RAPGEF3: variants seen among roughly 807,000 people sequenced by gnomAD.
The protein encoded by RAPGEF3 is 9330170P05Rik.
In RAPGEF3, 103 loss-of-function variants were observed where a neutral mutation model predicts 129.8. The observed-to-expected ratio is 0.79, with a 90% CI of 0.68 to 0.93. The LOEUF is 0.93. RAPGEF3 is among the 40% of genes least tolerant of loss of function. The probability of loss-of-function intolerance (pLI) is 0.00; values close to 1 mark genes in which losing one functional copy is unlikely to be tolerated. For synonymous variants in RAPGEF3, 436 were observed against 482.6 expected (o/e 0.90, Z 1.26); for missense variants, 1,117 against 1,207.4 (o/e 0.93, Z 1.11).
In RAPGEF3 at chr12:47,758,573, G is replaced by C. The variant is rs1390005259; in HGVS notation, c.-17C>G. Reference sequence around the variant, plus strand: ...CACCTTCATGTTTCTTTTCAAGCTCGCACAGCCGTGCAGGCTCTAGCAAAA... The same window carrying C: ...CACCTTCATGTTTCTTTTCAAGCTCCCACAGCCGTGCAGGCTCTAGCAAAA... On this transcript the variant is annotated 5_prime_UTR_variant, in exon 1 of 28. Transcript: ENST00000449771. 2.5e-6 allele frequency: 4 copies of C among 1,613,564 alleles called. No individual in the cohort carries two copies. The African/African-American group carries it at 5.3e-5, about 22-fold the overall frequency.
chr12:47,758,294 A>G (rs1942224043), intron 1 of RAPGEF3: 5 of 1,430,912 alleles, frequency 3.5e-6, no homozygotes, highest in Non-Finnish European at 4.6e-6. Context: ...GGCTCTTGGA[A>G]AAGATCAGGC....
rs1001256003 is a variant in RAPGEF3 at position 47,744,066 on chromosome 12, G to A, written c.1599C>T (p.Ala533=). The part of the protein sequence containing the change: ...GCGNASPQMK[A]RNLPVWLPNQ... ...TGGGGAGCCAAACAGGCAAGTTCCG[G>A]GCCTGGGAGGAAGAGGAACGAGAAA... The change falls in exon 17 of 28, where the codon GCC becomes GCT. Residue 533 remains alanine, a splice_region_variant and synonymous_variant. Transcript: ENST00000449771. 2 of 1,598,920 alleles carry A rather than the reference G, an allele frequency of 1.3e-6. No homozygotes were observed. The highest frequency in any genetic ancestry group is 2.7e-5 in the African/African-American group (2 of 74,584).
rs751836755 is a variant in RAPGEF3 at position 47,740,385 on chromosome 12, G to T, written c.2242C>A (p.Gln748Lys). 2 of 1,613,902 alleles carry T rather than the reference G, an allele frequency of 1.2e-6. No homozygotes were observed. The highest frequency in any genetic ancestry group is 8.5e-7 in the Non-Finnish European group (1 of 1,179,954). The part of the protein sequence containing the change: ...FIKLAAHLKE[Q>K]KNLNSFFAVM... The stretch of plus-strand genomic sequence containing the variant: ...GCAAAGAAGGAATTGAGATTCTTCT[G>T]CTCCTTGAGGCTGTGAGCAGAAGAC... The change falls in exon 22 of 28, where the codon CAG becomes AAG. Residue 748 changes from glutamine (Q) to lysine (K), a missense_variant. Around this residue, in one of 3 missense-constraint regions of RAPGEF3, gnomAD observed 643 missense variants for 673.4 expected, o/e 0.95. Coordinates refer to ENST00000449771, the MANE Select transcript of RAPGEF3 (RefSeq NM_001098531.4).
chr12:47,740,506 G>T, intron 21 of RAPGEF3, 111 bp from the exon 22 acceptor site: 1 of 1,476,056 alleles, frequency 6.8e-7, no homozygotes, highest in Non-Finnish European at 9.4e-7. Flanking sequence ...GGATGGGGTG[G>T]GAAGGCAGAG....
chr12:47,745,380 C>CTTG (rs1427453315), intron 16 of RAPGEF3: 2 of 152,290 alleles, frequency 1.3e-5, no homozygotes, highest in Non-Finnish European at 2.9e-5. Context: ...TTGGCTCAAA[C>CTTG]CCCTTTAATG....
At chr12:47,747,015 C>T (rs73304403) in intron 15 of RAPGEF3, 116 bp from the exon 16 acceptor site, 97,689 of 973,550 alleles carry the variant, frequency 0.1, 5,570 homozygotes, top group African/African-American at 0.17. Flanking sequence ...GAGGTAAGCA[C>T]GACCAGGTAA....
chr12:47,750,478 G>A (rs1941680057), intron 6 of RAPGEF3, 53 bp from the exon 7 acceptor site: 1 of 1,509,916 alleles, frequency 6.6e-7, no homozygotes, highest in South Asian at 1.2e-5. Flanking sequence ...CCCGTCAGGT[G>A]CAGGGAGCCA....
At chr12:47,744,340 T>A in intron 16 of RAPGEF3, 1 of 431,346 alleles carries the variant, frequency 2.3e-6, no homozygotes, top group Non-Finnish European at 4.2e-6. Context: ...CCAGAGCAGT[T>A]CTAATATGAA....
At chr12:47,748,661 G>C in intron 11 of RAPGEF3, 119 bp from the exon 12 acceptor site, 1 of 1,074,880 alleles carries the variant, frequency 9.3e-7, no homozygotes, top group South Asian at 1.4e-5. Flanking sequence ...CCCACCTTAG[G>C]GCAGGGAGGA....
In RAPGEF3 at chr12:47,751,747, C is replaced by T. The variant is rs777121861; in HGVS notation, c.356G>A (p.Arg119Gln). The T allele has an allele frequency of 7.4e-6, 12 of 1,613,428 alleles. No individual in the cohort carries two copies. Among genetic ancestry groups the T allele is most frequent in the Middle Eastern group, 3.3e-4 (2 of 6,084 alleles). The change falls in exon 4 of 28, where the codon CGG becomes CAG. Residue 119 changes from arginine to glutamine, a missense_variant. Coordinates refer to ENST00000449771, the MANE Select transcript of RAPGEF3 (RefSeq NM_001098531.4). ...LATCPNLIRD[R>Q]KYHLRLYRQC... Reference sequence around the variant, plus strand: ...CCGATAGAGCCTAAGGTGGTACTTCCGGTCTCGGATGAGGTTTGGGCAGGT... The same window carrying T: ...CCGATAGAGCCTAAGGTGGTACTTCTGGTCTCGGATGAGGTTTGGGCAGGT...
In RAPGEF3 at chr12:47,738,720, T is replaced by C; in HGVS notation, c.2496A>G (p.Leu832=). The C allele has an allele frequency of 2.5e-6, 4 of 1,610,790 alleles. No individual in the cohort carries two copies. The South Asian group carries it at 4.4e-5, about 18-fold the overall frequency. Residue 832 remains leucine, a synonymous_variant, in exon 25 of 28, where the codon CTA becomes CTG. Coordinates refer to ENST00000449771, the MANE Select transcript of RAPGEF3 (RefSeq NM_001098531.4). ...MTFIHEGNHT[L]VENLINFEKM... is the part of the protein sequence containing the mutation. ...TCTCAAAGTTGATGAGATTCTCCACTAGTGTGTGGTTTCCCTCATGAATGA... is the reference window on the plus strand; with the variant it reads ...TCTCAAAGTTGATGAGATTCTCCACCAGTGTGTGGTTTCCCTCATGAATGA...
At chr12:47,738,779 T>C (rs752969472) in intron 24 of RAPGEF3, 25 bp from the exon 25 acceptor site, 3 of 1,586,616 alleles carry the variant, frequency 1.9e-6, no homozygotes, top group South Asian at 2.2e-5. Context: ...GTTTTGTTCA[T>C]AGGTCCCCAA....
chr12:47,750,365 C>T lies in RAPGEF3; in HGVS notation c.732G>A (p.Lys244=). Residue 244 remains lysine (K), a synonymous_variant, in exon 7 of 28, where the codon AAG becomes AAA. Transcript: ENST00000449771. ...DLIFEELLHI[K]AVAHLSNSVK... ...CCGAGTTGGAGAGGTGGGCCACAGC[C>T]TTGATGTGCAGCAGCTCCTCAAAGA... 6.2e-7 allele frequency: 1 copy of T among 1,614,000 alleles called. No individual in the cohort carries two copies.
chr12:47,752,257 A>T (rs541843070), intron 2 of RAPGEF3, among the ~76,000 whole-genome samples: 1 of 152,310 alleles, frequency 6.6e-6, no homozygotes, highest in Non-Finnish European at 1.5e-5. Flanking sequence ...AGGTGTGCCC[A>T]TGCCCCCAGG....
chr12:47,751,390 C>T lies in RAPGEF3; in HGVS notation c.502+9G>A, dbSNP rs757285. On this transcript the variant is annotated intron_variant, in intron 5 of 27. Transcript: ENST00000449771. ...AGCCCGGGGCACCCCACCCTGGGCT[C>T]GGGCTCACCATGGCAGAGGGCACCT... 3.8e-5 allele frequency: 62 copies of T among 1,613,724 alleles called. No individual in the cohort carries two copies. The African/African-American group carries it at 6.1e-4, about 16-fold the overall frequency.
At chr12:47,737,710 G>A (rs1940864381) in intron 27 of RAPGEF3, 25 bp from the exon 28 acceptor site, 2 of 1,598,264 alleles carry the variant, frequency 1.3e-6, no homozygotes, top group African/African-American at 1.3e-5. Flanking sequence ...TAGTCAGGGA[G>A]GCACTGATGC....
intron 16 of RAPGEF3, chr12:47,745,467 G>A (rs1289296106): frequency 1.3e-5 from 2 of 152,528 alleles, no homozygotes; most frequent in African/African-American, 4.8e-5. Flanking sequence ...TGCCTGCTCT[G>A]GGGTCCTACT....
At chr12:47,754,239 A>G (rs1425883885) in intron 2 of RAPGEF3, among the ~76,000 whole-genome samples, 1 of 152,230 alleles carries the variant, frequency 6.6e-6, no homozygotes, top group African/African-American at 2.4e-5. Context: ...GCCTATTCCC[A>G]TGTTTCCTCA....
intron 17 of RAPGEF3, 57 bp from the exon 18 acceptor site, chr12:47,743,733 G>A: frequency 6.4e-7 from 1 of 1,574,590 alleles, no homozygotes; most frequent in Non-Finnish European, 8.7e-7. Context: ...CACCCCAGGA[G>A]GGAGAGGGCG....
Sources: allele counts gnomAD v4.1 joint callset (sites outside exome capture counted in the v4.1 genomes callset), GRCh38; gene constraint gnomAD v4.1.1; regional missense constraint gnomAD v4.1.1; transcripts MANE v1.5; gene names NCBI Gene and HGNC (gene_info 2026-07-23, HGNC 2026-07-21).